The following GCSAM variants were observed in gnomAD, a reference collection of about 807,000 sequenced individuals.
The protein encoded by GCSAM is germinal center associated signaling and motility.
GCSAM carries 8 observed loss-of-function variants against 17.6 expected under a neutral mutation model. The ratio of observed to expected loss-of-function variants is 0.46; its 90% CI spans 0.27 to 0.82. The LOEUF (loss-of-function observed/expected upper bound fraction) is 0.82. GCSAM is among the 40% of genes least tolerant of loss of function. The pLI is 0.15. For missense variants in GCSAM, 192 were observed against 213.5 expected (o/e 0.90, Z 0.63); for synonymous variants, 68 against 69.0 (o/e 0.98, Z 0.07).
At chr3:112,127,790 TG>T (rs1459134177) in intron 3 of GCSAM, among the ~76,000 whole-genome samples, 1 of 152,226 alleles carries the variant, frequency 6.6e-6, no homozygotes, top group Admixed American at 6.5e-5. Context: ...GTTTCATCTT[TG>T]CTTCTGAGGC....
chr3:112,124,170 G>A (rs183311162), intron 5 of GCSAM, among the ~76,000 whole-genome samples: 23 of 152,280 alleles, frequency 1.5e-4, no homozygotes, highest in South Asian at 1.0e-3. Context: ...TGAGTGTACC[G>A]CCTGAAGAAC....
In GCSAM at chr3:112,121,447, G is replaced by A. The variant is rs1315677900; in HGVS notation, c.*2008C>T. On this transcript the variant is annotated 3_prime_UTR_variant, in exon 6 of 6. Coordinates refer to ENST00000308910, the MANE Select transcript of GCSAM (RefSeq NM_152785.5). ...TAATAGATGATTGCCTGCATTAGAT[G>A]TAATCCTCCTGTTGATGGTGAAGAA... The A allele has an allele frequency of 2.0e-5, 3 of 152,176 alleles. No homozygotes were observed. Among genetic ancestry groups the A allele is most frequent in the Non-Finnish European group, 4.4e-5 (3 of 68,034 alleles). 9.4% of individuals were successfully genotyped at this position (152,176 alleles called of 1,614,324 possible).
rs2074368794 is a variant in GCSAM, at chr3:112,128,026, C to T, written c.134G>A (p.Cys45Tyr). Residue 45 changes from cysteine (C) to tyrosine (Y), a missense_variant, in exon 3 of 6, where the codon TGC becomes TAC. Cys to Tyr is a radical substitution (Grantham distance 194). Transcript: ENST00000308910. ...ACAACTGTCCACTCACCATGGAAGG[C>T]AGAAACACCCTTCAGCGATATGGTG... ...WDHHIAEGCFCLPWKKILIFE... is the reference protein window; with the variant it reads ...WDHHIAEGCFYLPWKKILIFE... 1.2e-6 allele frequency: 2 copies of T among 1,613,478 alleles called. No homozygotes were observed. The highest frequency in any genetic ancestry group is 1.7e-5 in the Admixed American group (1 of 59,994).
At chr3:112,125,463 AG>A (rs778885671) in intron 4 of GCSAM, among the ~76,000 whole-genome samples, 1 of 152,148 alleles carries the variant, frequency 6.6e-6, no homozygotes, top group Non-Finnish European at 1.5e-5. Flanking sequence ...GAGAGGTGAG[AG>A]GGGGGAGACA....
chr3:112,126,378 T>C (rs185966369), intron 4 of GCSAM, among the ~76,000 whole-genome samples: 124 of 152,304 alleles, frequency 8.1e-4, no homozygotes, highest in Non-Finnish European at 1.5e-3. Context: ...CTTATTTTTA[T>C]TTTTAGGTGT....
At chr3:112,124,476 G>A (rs2074265873) in intron 5 of GCSAM, among the ~76,000 whole-genome samples, 1 of 152,076 alleles carries the variant, frequency 6.6e-6, no homozygotes, top group Admixed American at 6.5e-5. Context: ...AGGTGTGATG[G>A]CACACACCTG....
At chr3:112,130,748 A>G (rs2074433931) in intron 1 of GCSAM, 1 of 546,784 alleles carries the variant, frequency 1.8e-6, no homozygotes, top group Non-Finnish European at 3.3e-6. Flanking sequence ...AACCTCCATG[A>G]ACAAGTGATC....
Position 112,123,261 on chromosome 3 carries a change from G to A in GCSAM, c.*194C>T. 9.9e-7 allele frequency: 1 copy of A among 1,011,268 alleles called. No individual in the cohort carries two copies. The highest frequency in any genetic ancestry group is 1.4e-6 in the Non-Finnish European group (1 of 714,042). 62.6% of individuals were successfully genotyped at this position (1,011,268 alleles called of 1,614,324 possible). A position where few individuals can be genotyped will look rare whatever the true frequency, so the allele number is the denominator to read the frequency against. On this transcript the variant is annotated 3_prime_UTR_variant, in exon 6 of 6. Transcript: ENST00000308910. The stretch of plus-strand genomic sequence containing the variant: ...CTCTTTCTCAAATGGTGTTGTTCAG[G>A]ATAAATGGTTGATCTTTAGATTTTG...
chr3:112,126,440 G>T (rs1483311808), intron 4 of GCSAM, among the ~76,000 whole-genome samples: 1 of 152,064 alleles, frequency 6.6e-6, no homozygotes, highest in African/African-American at 2.4e-5. Context: ...TAACTTCAGT[G>T]CTATTCTATC....
intron 5 of GCSAM, among the ~76,000 whole-genome samples, chr3:112,124,572 C>T (rs1301844172): frequency 6.6e-6 from 1 of 152,164 alleles, no homozygotes; most frequent in Non-Finnish European, 1.5e-5. Context: ...CGTGCCATTG[C>T]ACTCCAGCCT....
rs1413169589 is a variant in GCSAM, at chr3:112,121,544, T to C, written c.*1911A>G. ...AGAGAACCAGGATTTGAGTGACTGA[T>C]GATCTGTCGCTGGGTCTACACTCTT... On this transcript the variant is annotated 3_prime_UTR_variant, in exon 6 of 6. Coordinates refer to ENST00000308910, the MANE Select transcript of GCSAM (RefSeq NM_152785.5). 1 of 151,782 alleles carries C rather than the reference T, an allele frequency of 6.6e-6. No homozygotes were observed. The highest frequency in any genetic ancestry group is 2.4e-5 in the African/African-American group (1 of 41,344). 9.4% of individuals were successfully genotyped at this position (151,782 alleles called of 1,614,324 possible). A position where few individuals can be genotyped will look rare whatever the true frequency, so the allele number is the denominator to read the frequency against.
At chr3:112,132,052 ACAAT>A (rs1223443307) in intron 1 of GCSAM, among the ~76,000 whole-genome samples, 2 of 152,192 alleles carry the variant, frequency 1.3e-5, no homozygotes, top group Non-Finnish European at 2.9e-5. Context: ...TAAATAAGAA[ACAAT>A]CACTACATTT....
At chr3:112,130,140 T>C (rs1459086197) in intron 2 of GCSAM, 2 of 332,164 alleles carry the variant, frequency 6.0e-6, no homozygotes, top group Non-Finnish European at 5.6e-6. Flanking sequence ...CAAAGGTACC[T>C]GAGATAGACA....
intron 4 of GCSAM, among the ~76,000 whole-genome samples, chr3:112,125,679 A>G (rs2074301355): frequency 6.8e-6 from 1 of 147,206 alleles, no homozygotes; most frequent in African/African-American, 2.5e-5. Flanking sequence ...CACAGGAGAC[A>G]GACAAGGGGC....
At chr3:112,125,812 T>C (rs1490653363) in intron 4 of GCSAM, among the ~76,000 whole-genome samples, 3 of 152,162 alleles carry the variant, frequency 2.0e-5, no homozygotes, top group Non-Finnish European at 4.4e-5. Context: ...AGCTAAATAT[T>C]CCCATTCCTA....
intron 5 of GCSAM, among the ~76,000 whole-genome samples, chr3:112,124,532 C>T (rs371616121): frequency 6.6e-6 from 1 of 152,128 alleles, no homozygotes; most frequent in Non-Finnish European, 1.5e-5. Flanking sequence ...CGCTTGAACC[C>T]AGGAGGCGGA....
chr3:112,128,722 T>C (rs1492484), intron 2 of GCSAM: 63,729 of 160,998 alleles, frequency 0.4, 12,636 homozygotes, highest in Admixed American at 0.45. Flanking sequence ...ACTCCAACGA[T>C]ATAGTTAAAT....
chr3:112,124,072 C>T lies in GCSAM; in HGVS notation c.220-300G>A, dbSNP rs143761597. On this transcript the variant is annotated intron_variant, in intron 5 of 5. Transcript: ENST00000308910. ...GCAAATCTAATGTTGAAATTTTGTT[C>T]CCATTGTTGGAGGTGGTGCCTAGTG... 2.8e-4 allele frequency among the ~76,000 whole-genome samples: 43 copies of T among 152,280 alleles called. No homozygotes were observed. In the East Asian group the frequency reaches 4.2e-3, roughly 15 times the overall value.
chr3:112,126,418 A>G (rs1310411247), intron 4 of GCSAM, among the ~76,000 whole-genome samples: 1 of 152,042 alleles, frequency 6.6e-6, no homozygotes, highest in Non-Finnish European at 1.5e-5. Context: ...TCCTTCTAGA[A>G]TTCTTTCTCC....
Sources: allele counts gnomAD v4.1 joint callset (sites outside exome capture counted in the v4.1 genomes callset), GRCh38; gene constraint gnomAD v4.1.1; transcripts MANE v1.5; gene names NCBI Gene and HGNC (gene_info 2026-07-23, HGNC 2026-07-21).